TAOK1: variants seen among roughly 807,000 people sequenced by gnomAD.
TAOK1 encodes TAO kinase 1, also known as serine/threonine-protein kinase TAO1.
TAOK1 carries 21 observed loss-of-function variants against 138.3 expected under a neutral mutation model. The ratio of observed to expected loss-of-function variants is 0.15; its 90% confidence interval spans 0.11 to 0.22. The LOEUF (loss-of-function observed/expected upper bound fraction) is 0.22, where lower values mean the gene tolerates loss of function less well. Among genes scored for constraint, TAOK1 ranks in the 10% least tolerant of loss-of-function variants. The pLI, the probability that TAOK1 is intolerant of heterozygous loss-of-function variation, is 1.00. For missense variants in TAOK1, 651 were observed against 1,227.7 expected (o/e 0.53, Z 7.02); for synonymous variants, 361 against 398.4 (o/e 0.91, Z 1.12).
At chr17:29,475,544 T>C (rs2030926127) in intron 3 of TAOK1, 126 bp from the exon 4 acceptor site, 1 of 648,818 alleles carries the variant, frequency 1.5e-6, no homozygotes, top group Non-Finnish European at 2.6e-6. Context: ...TCCCAATAAA[T>C]AAGTAAAACC....
At chr17:29,441,459 A>AT (rs1383860258) in intron 1 of TAOK1, among the ~76,000 whole-genome samples, 3 of 152,194 alleles carry the variant, frequency 2.0e-5, no homozygotes, top group Non-Finnish European at 4.4e-5. Context: ...ATCTAGGTCA[A>AT]TTTAGTCTGT....
At chr17:29,467,306 C>A in intron 3 of TAOK1, 90 bp downstream of exon 3, 2 of 679,908 alleles carry the variant, frequency 2.9e-6, no homozygotes, top group Non-Finnish European at 4.4e-6. Context: ...CTGAGTCTCC[C>A]TCTGTAGCCC....
rs58117433 is a variant in TAOK1, at chr17:29,394,150, G to GTTTTTTTTTTTTT, written c.-95+3147_-95+3159dup. ...TATGATTTATTTTAATAATTTGCCA[G>GTTTTTTTTTTTTT]TTTTTTTTTTTTTTTTTTTTTTTTT... On this transcript the variant is annotated intron_variant, in intron 1 of 19. Transcript: ENST00000261716. Among the ~76,000 whole-genome samples, 49 of 48,286 alleles carry GTTTTTTTTTTTTT rather than the reference G, an allele frequency of 1.0e-3. 5 individuals are homozygous for GTTTTTTTTTTTTT. The highest frequency in any genetic ancestry group is 2.7e-3 in the Admixed American group (7 of 2,554). 31.7% of individuals were successfully genotyped at this position (48,286 alleles called of 152,430 possible). A position where few individuals can be genotyped will look rare whatever the true frequency, so the allele number is the denominator to read the frequency against.
rs1249878541 is a variant in TAOK1, at chr17:29,499,253, C to T, written c.1203+732C>T. ...TCTTTTTTTTTTTTTTTTTTTGAAA[C>T]GGAGTCTCACTCTGTCACCCAGGCT... On this transcript the variant is annotated intron_variant, in intron 12 of 19. Coordinates refer to ENST00000261716, the MANE Select transcript of TAOK1 (RefSeq NM_020791.4). Among the ~76,000 whole-genome samples the T allele has an allele frequency of 2.6e-5, 3 of 114,974 alleles. No homozygotes were observed. The Admixed American group carries it at 3.0e-4, about 12-fold the overall frequency. 75.4% of individuals were successfully genotyped at this position (114,974 alleles called of 152,430 possible).
At chr17:29,498,144 ATAAAC>A (rs1356841178) in intron 11 of TAOK1, among the ~76,000 whole-genome samples, 169 bp from the exon 12 acceptor site, 1 of 152,198 alleles carries the variant, frequency 6.6e-6, no homozygotes, top group African/African-American at 2.4e-5. Flanking sequence ...TTGTTTTTCA[ATAAAC>A]TAACAGTTGA....
chr17:29,472,573 CTTTT>C (rs34588170), intron 3 of TAOK1, among the ~76,000 whole-genome samples: 6 of 111,746 alleles, frequency 5.4e-5, no homozygotes, highest in Non-Finnish European at 7.1e-5. Context: ...TTCTTTCTTT[CTTTT>C]TTTTTTTTTT....
At chr17:29,472,524 A>T (rs2030844699) in intron 3 of TAOK1, among the ~76,000 whole-genome samples, 1 of 148,106 alleles carries the variant, frequency 6.8e-6, no homozygotes, top group South Asian at 2.1e-4. Context: ...AAGTGTTGGG[A>T]TTACAGGCGT....
intron 1 of TAOK1, among the ~76,000 whole-genome samples, chr17:29,398,108 G>T (rs889935167): frequency 1.3e-5 from 2 of 152,098 alleles, no homozygotes; most frequent in Non-Finnish European, 2.9e-5. Flanking sequence ...GGCTCAGGCA[G>T]TCCTCCCTCC....
At chr17:29,415,024 C>T (rs1377148264) in intron 1 of TAOK1, among the ~76,000 whole-genome samples, 1 of 150,190 alleles carries the variant, frequency 6.7e-6, no homozygotes, top group African/African-American at 2.5e-5. Context: ...AGTGCAGTGG[C>T]GCAATCTTGA....
At chr17:29,539,619 A>G (rs1315383878) in intron 19 of TAOK1, among the ~76,000 whole-genome samples, 1 of 152,128 alleles carries the variant, frequency 6.6e-6, no homozygotes, top group Non-Finnish European at 1.5e-5. Flanking sequence ...TATTTTTACT[A>G]GAGATGGGAT....
At chr17:29,483,194 C>T (rs2031099079) in intron 8 of TAOK1, among the ~76,000 whole-genome samples, 2 of 152,206 alleles carry the variant, frequency 1.3e-5, no homozygotes, top group African/African-American at 4.8e-5. Context: ...CCTCCCACCT[C>T]AGCCTCCTGC....
At chr17:29,428,930 C>A (rs1311733322) in intron 1 of TAOK1, among the ~76,000 whole-genome samples, 1 of 151,922 alleles carries the variant, frequency 6.6e-6, no homozygotes, top group African/African-American at 2.4e-5. Context: ...ACTGCGCCCA[C>A]CCCAGTTATG....
chr17:29,539,663 C>T (rs13313580), intron 19 of TAOK1, among the ~76,000 whole-genome samples: 4 of 152,164 alleles, frequency 2.6e-5, no homozygotes, highest in South Asian at 2.1e-4. Context: ...CTCGAACTCC[C>T]GACCTCAGGT....
chr17:29,428,303 A>G (rs1873498244), intron 1 of TAOK1, among the ~76,000 whole-genome samples: 1 of 152,156 alleles, frequency 6.6e-6, no homozygotes, highest in Non-Finnish European at 1.5e-5. Flanking sequence ...ATAAGACTAG[A>G]GATTGGAATG....
chr17:29,396,718 C>T (rs1250158561), intron 1 of TAOK1, among the ~76,000 whole-genome samples: 1 of 152,172 alleles, frequency 6.6e-6, no homozygotes, highest in African/African-American at 2.4e-5. Context: ...TTAATGTTGG[C>T]TGGGCGTGGT....
At chr17:29,511,085 C>A in intron 15 of TAOK1, 93 bp downstream of exon 15, 1 of 1,273,066 alleles carries the variant, frequency 7.9e-7, no homozygotes, top group Non-Finnish European at 1.1e-6. Context: ...ATAAAATTAT[C>A]TTTTGTTGTT....
At position 29,548,358 on chromosome 17, in the gene TAOK1, C is replaced by G. The variant is rs920373991; in HGVS notation, c.*5336C>G. 5.3e-5 allele frequency: 8 copies of G among 152,018 alleles called. No homozygotes were observed. The highest frequency in any genetic ancestry group is 1.0e-4 in the Non-Finnish European group (7 of 67,970). 9.4% of individuals were successfully genotyped at this position (152,018 alleles called of 1,614,324 possible). A position where few individuals can be genotyped will look rare whatever the true frequency, so the allele number is the denominator to read the frequency against. ...GGAGCCATTTACTATGTCACCATCA[C>G]TGTTAACTGTTTCCCAGCAATCTAA... is the stretch of plus-strand genomic sequence containing the variant. On this transcript the variant is annotated 3_prime_UTR_variant, in exon 20 of 20. Transcript: ENST00000261716.
At chr17:29,409,950 G>A (rs1283300252) in intron 1 of TAOK1, among the ~76,000 whole-genome samples, 1 of 152,070 alleles carries the variant, frequency 6.6e-6, no homozygotes, top group Admixed American at 6.6e-5. Context: ...TATAGGATGG[G>A]GAAAAGGGCT....
At chr17:29,472,465 C>G (rs1232836639) in intron 3 of TAOK1, among the ~76,000 whole-genome samples, 1 of 152,096 alleles carries the variant, frequency 6.6e-6, no homozygotes, top group East Asian at 1.9e-4. Flanking sequence ...GTTGGCCAGG[C>G]TGGTCTCGAA....
Sources: gnomAD v4.1 joint callset for allele counts (sites outside exome capture counted in the v4.1 genomes callset) on GRCh38, gnomAD v4.1.1 for gene constraint, MANE v1.5 for transcripts, NCBI Gene and HGNC (gene_info 2026-07-23, HGNC 2026-07-21) for gene names.